Variants in GABRR3 observed in about 807,000 individuals in gnomAD.
GABRR3 encodes gamma-aminobutyric acid type A receptor subunit rho3.
In GABRR3, 29 loss-of-function variants were observed where a neutral mutation model predicts 43.2. The observed-to-expected ratio is 0.67, with a 90% CI of 0.50 to 0.92. The LOEUF is 0.92. Ranked by LOEUF, GABRR3 falls within the 40% of genes least tolerant of loss-of-function variation. GABRR3 has a pLI of 0.00. For missense variants in GABRR3, 576 were observed against 572.3 expected, an observed-to-expected ratio of 1.01 and a Z score of -0.07; for synonymous variants, 206 against 195.9, an observed-to-expected ratio of 1.05 and a Z score of -0.43.
intron 3 of GABRR3, among the ~76,000 whole-genome samples, chr3:98,019,488 A>G (rs574088769): frequency 6.6e-6 from 1 of 152,270 alleles, no homozygotes; most frequent in South Asian, 2.1e-4. Context: ...GCATGCAAAT[A>G]TATTCCTGCT....
intron 4 of GABRR3, 138 bp from the exon 5 acceptor site, chr3:98,012,705 A>G (rs1559778271): frequency 3.2e-6 from 2 of 622,454 alleles, no homozygotes; most frequent in Non-Finnish European, 5.6e-6. Context: ...AGTTTCAAGT[A>G]GATCTAGGAT....
rs1396437312 is a variant in GABRR3 at position 97,993,067 on chromosome 3, GGCAA to G, written c.908-23_908-20del. The G allele has an allele frequency of 1.3e-6, 2 of 1,567,664 alleles. No homozygotes were observed. On this transcript the variant is annotated intron_variant, in intron 8 of 9. Coordinates refer to ENST00000621172, the Ensembl canonical transcript of GABRR3. ...GTGATTCCTGCCATTTGAGAATAGTGGCAAGCTCAGTGATATAGCCATTCATTTC... is the reference window on the plus strand; with the variant it reads ...GTGATTCCTGCCATTTGAGAATAGTGGCTCAGTGATATAGCCATTCATTTC...
chr3:98,021,821 T>C (rs1368808240), intron 3 of GABRR3, among the ~76,000 whole-genome samples: 3 of 152,210 alleles, frequency 2.0e-5, no homozygotes, highest in Admixed American at 6.5e-5. Context: ...CAGGCTGGAA[T>C]AATGAGGGCT....
At chr3:98,023,714 C>A (rs1262628857) in intron 3 of GABRR3, among the ~76,000 whole-genome samples, 2 of 152,192 alleles carry the variant, frequency 1.3e-5, no homozygotes. Context: ...AAACCTGCTT[C>A]ATCTCAAGGC....
exon 9 of GABRR3, chr3:97,993,034 G>A: frequency 6.2e-7 from 1 of 1,600,984 alleles, no homozygotes; most frequent in Admixed American, 1.7e-5. Context: ...GACATGGTCA[G>A]CACTGTGGTG....
At chr3:97,999,934 A>G (rs564388598) in intron 8 of GABRR3, 1 of 152,142 alleles carries the variant, frequency 6.6e-6, no homozygotes, top group African/African-American at 2.4e-5. Flanking sequence ...GGTAATTGGG[A>G]CAGATGAATA....
chr3:98,022,572 A>G (rs1373420905), intron 3 of GABRR3, among the ~76,000 whole-genome samples: 1 of 152,208 alleles, frequency 6.6e-6, no homozygotes, highest in Non-Finnish European at 1.5e-5. Context: ...GAACAGAGAA[A>G]TGGGTCACTG....
chr3:98,022,220 A>C (rs1378707260), intron 3 of GABRR3, among the ~76,000 whole-genome samples: 2 of 152,260 alleles, frequency 1.3e-5, no homozygotes, highest in African/African-American at 4.8e-5. Flanking sequence ...GGGAGACGTA[A>C]AAGGTGGGGA....
At chr3:97,989,836 A>C (rs1706438905) in intron 9 of GABRR3, among the ~76,000 whole-genome samples, 1 of 152,102 alleles carries the variant, frequency 6.6e-6, no homozygotes, top group South Asian at 2.1e-4. Flanking sequence ...CTAGTGATGA[A>C]ATATTAGTGA....
chr3:98,024,223 G>A (rs548749061), intron 3 of GABRR3, among the ~76,000 whole-genome samples: 1 of 152,112 alleles, frequency 6.6e-6, no homozygotes, highest in African/African-American at 2.4e-5. Context: ...GCTTGGCCTG[G>A]TTTCACGTGC....
intron 2 of GABRR3, among the ~76,000 whole-genome samples, chr3:98,034,459 AC>A (rs1486220615): frequency 6.6e-6 from 1 of 152,172 alleles, no homozygotes; most frequent in African/African-American, 2.4e-5. Context: ...GAAACTATAT[AC>A]CCTAGAAATA....
chr3:98,004,528 G>A (rs1706698774), intron 7 of GABRR3, among the ~76,000 whole-genome samples: 2 of 151,998 alleles, frequency 1.3e-5, no homozygotes, highest in Admixed American at 1.3e-4. Flanking sequence ...CTTAGGGGCA[G>A]GAGTCATTTC....
chr3:98,030,565 G>T (rs556492545), intron 2 of GABRR3, among the ~76,000 whole-genome samples: 2 of 152,186 alleles, frequency 1.3e-5, no homozygotes, highest in African/African-American at 4.8e-5. Context: ...TGGATTCTAG[G>T]TATCTTTTTC....
intron 7 of GABRR3, among the ~76,000 whole-genome samples, chr3:98,003,406 A>G (rs1706677912): frequency 6.8e-6 from 1 of 147,428 alleles, no homozygotes; most frequent in Non-Finnish European, 1.5e-5. Context: ...TTTTCTGAAG[A>G]ACAGTTGTCC....
intron 5 of GABRR3, among the ~76,000 whole-genome samples, chr3:98,009,540 G>T (rs545783646): frequency 1.4e-4 from 21 of 152,298 alleles, no homozygotes; most frequent in Non-Finnish European, 2.8e-4. Context: ...CTTAGTTATA[G>T]ATCTATGTGC....
At chr3:97,989,307 A>G (rs1706431758) in intron 9 of GABRR3, among the ~76,000 whole-genome samples, 1 of 143,634 alleles carries the variant, frequency 7.0e-6, no homozygotes, top group South Asian at 2.3e-4. Context: ...GTGTGGTGGT[A>G]GGTGGTAAGT....
rs1706488445 is a variant in GABRR3, at chr3:97,992,851, C to G, written c.1104+1G>C. On this transcript the variant is annotated splice_donor_variant, in intron 9 of 9. Transcript: ENST00000621172. LOFTEE classifies it high-confidence loss of function. The stretch of plus-strand genomic sequence containing the variant: ...ATCTGATAGTCAGAGCAAGGCTGTA[C>G]CTTTCCTGTCTTCTTGAATTGTTTC... 2.5e-6 allele frequency: 4 copies of G among 1,603,078 alleles called. No individual in the cohort carries two copies. The highest frequency in any genetic ancestry group is 1.1e-5 in the South Asian group (1 of 88,232).
chr3:98,004,580 T>C (rs1231105826), intron 7 of GABRR3, among the ~76,000 whole-genome samples: 1 of 151,588 alleles, frequency 6.6e-6, no homozygotes, highest in Non-Finnish European at 1.5e-5. Flanking sequence ...TTGAGAATTT[T>C]GAGAAAGGGA....
intron 3 of GABRR3, among the ~76,000 whole-genome samples, chr3:98,019,226 C>T (rs1354643095): frequency 6.6e-6 from 1 of 152,128 alleles, no homozygotes; most frequent in South Asian, 2.1e-4. Context: ...CTTAATGAGG[C>T]TGAGGCTACG....
Sources: allele counts gnomAD v4.1 joint callset (sites outside exome capture counted in the v4.1 genomes callset), GRCh38; gene constraint gnomAD v4.1.1; transcripts MANE v1.5; gene names NCBI Gene and HGNC (gene_info 2026-07-23, HGNC 2026-07-21).